Variants in GRAP2 observed in about 807,000 individuals in gnomAD.
GRAP2 encodes GRB2-related adapter protein 2.
GRAP2 carries 31 observed loss-of-function variants against 43.5 expected under a neutral mutation model. The observed-to-expected ratio is 0.71, with a 90% CI of 0.54 to 0.96. GRAP2 has a LOEUF of 0.96. Among genes scored for constraint, GRAP2 ranks in the 40% least tolerant of loss-of-function variants. The probability of loss-of-function intolerance (pLI) is 0.00; values close to 1 mark genes in which losing one functional copy is unlikely to be tolerated. For synonymous variants in GRAP2, 156 were observed against 164.8 expected (o/e 0.95, Z 0.41); for missense variants, 371 against 424.4 (o/e 0.87, Z 1.11).
intron 1 of GRAP2, among the ~76,000 whole-genome samples, chr22:39,915,687 G>T: frequency 6.6e-6 from 1 of 152,070 alleles, no homozygotes; most frequent in African/African-American, 2.4e-5. Context: ...GGTGTCACAG[G>T]GCTGTTACAT....
At chr22:39,966,780 T>A (rs925252210) in intron 5 of GRAP2, among the ~76,000 whole-genome samples, 10 of 152,234 alleles carry the variant, frequency 6.6e-5, no homozygotes, top group African/African-American at 2.4e-4. Context: ...CCTGCTTTAA[T>A]CGCTTAGCTA....
chr22:39,910,659 G>A (rs767910586), intron 1 of GRAP2, among the ~76,000 whole-genome samples: 1 of 151,042 alleles, frequency 6.6e-6, no homozygotes. Context: ...CGCCTGCCTC[G>A]GCCTCGCAAA....
chr22:39,964,836 C>T (rs2067156292), intron 4 of GRAP2: 1 of 324,286 alleles, frequency 3.1e-6, no homozygotes, highest in African/African-American at 2.2e-5. Context: ...CCAGAATCTG[C>T]TCTTTGGTCG....
chr22:39,969,259 G>A, intron 6 of GRAP2, 152 bp from the exon 7 acceptor site: 1 of 828,320 alleles, frequency 1.2e-6, no homozygotes, highest in Non-Finnish European at 2.0e-6. Flanking sequence ...TTAGACCTTA[G>A]GTCCTCCTCA....
upstream of GRAP2, among the ~76,000 whole-genome samples, chr22:39,896,181 T>C (rs2066465809): frequency 6.6e-6 from 1 of 152,210 alleles, no homozygotes; most frequent in Admixed American, 6.5e-5. Context: ...GCAGAGGAAC[T>C]GGAAGAAGAA....
chr22:39,930,561 G>A (rs1211888312), intron 1 of GRAP2, among the ~76,000 whole-genome samples: 1 of 152,180 alleles, frequency 6.6e-6, no homozygotes, highest in Non-Finnish European at 1.5e-5. Context: ...TGTAGTTCAG[G>A]CCCTCATCAT....
chr22:39,945,035 TAGA>T (rs1187262859), intron 1 of GRAP2, among the ~76,000 whole-genome samples: 1 of 152,164 alleles, frequency 6.6e-6, no homozygotes, highest in Non-Finnish European at 1.5e-5. Context: ...AGGCCTTAAT[TAGA>T]AGAAGCCTTG....
chr22:39,961,802 T>A (rs1186095791), intron 4 of GRAP2, among the ~76,000 whole-genome samples: 1 of 152,232 alleles, frequency 6.6e-6, no homozygotes, highest in African/African-American at 2.4e-5. Context: ...TCAATATATT[T>A]TGAAAGGCAT....
intron 1 of GRAP2, among the ~76,000 whole-genome samples, chr22:39,944,164 G>A (rs1403734475): frequency 6.6e-6 from 1 of 152,124 alleles, no homozygotes; most frequent in Non-Finnish European, 1.5e-5. Flanking sequence ...TTTTGTTGTT[G>A]TTTCTCCAAT....
chr22:39,955,184 C>T (rs1169405819), intron 2 of GRAP2, among the ~76,000 whole-genome samples: 1 of 152,074 alleles, frequency 6.6e-6, no homozygotes, highest in African/African-American at 2.4e-5. Context: ...TGGTAAAACC[C>T]CGTCTCTCCT....
chr22:39,924,272 T>C (rs1293720318), intron 1 of GRAP2, among the ~76,000 whole-genome samples: 2 of 152,212 alleles, frequency 1.3e-5, no homozygotes, highest in East Asian at 3.8e-4. Context: ...TACTCCCAAG[T>C]AATCATACCA....
chr22:39,946,168 A>G (rs777689029), intron 1 of GRAP2, among the ~76,000 whole-genome samples: 2 of 152,162 alleles, frequency 1.3e-5, no homozygotes, highest in Non-Finnish European at 2.9e-5. Flanking sequence ...GCCTGCATCT[A>G]TAATTTGATT....
At chr22:39,970,732 G>A (rs2067231725) in intron 7 of GRAP2, among the ~76,000 whole-genome samples, 173 bp from the exon 8 acceptor site, 1 of 152,142 alleles carries the variant, frequency 6.6e-6, no homozygotes, top group South Asian at 2.1e-4. Context: ...ACCAGCCTGA[G>A]CAACATAGCA....
intron 1 of GRAP2, among the ~76,000 whole-genome samples, chr22:39,927,645 C>T (rs903716647): frequency 2.6e-5 from 4 of 152,144 alleles, no homozygotes; most frequent in African/African-American, 9.7e-5. Flanking sequence ...TCCATCCAGG[C>T]CCAATCGATC....
chr22:39,968,161 T>TC lies in GRAP2; in HGVS notation c.583dup (p.Leu195ProfsTer44). ...AGCTGTCGGATCACCCCCCGACCCT[T>TC]CCCCTGCAGCAGCACCAGCACCAGC... On this transcript the variant is annotated frameshift_variant, in exon 6 of 8. Coordinates refer to ENST00000344138, the MANE Select transcript of GRAP2 (RefSeq NM_004810.4). LOFTEE classifies it high-confidence loss of function. The TC allele has an allele frequency of 6.2e-7, 1 of 1,607,282 alleles. No homozygotes were observed. The highest frequency in any genetic ancestry group is 8.5e-7 in the Non-Finnish European group (1 of 1,177,110).
At chr22:39,917,017 G>A (rs892698897) in intron 1 of GRAP2, among the ~76,000 whole-genome samples, 2 of 152,150 alleles carry the variant, frequency 1.3e-5, no homozygotes, top group African/African-American at 2.4e-5. Context: ...AGAATAGAAA[G>A]CAATGGGTGG....
upstream of GRAP2, among the ~76,000 whole-genome samples, chr22:39,897,563 AGGCTG>A (rs2066471004): frequency 8.2e-6 from 1 of 122,190 alleles, no homozygotes; most frequent in South Asian, 2.6e-4. Context: ...CTTATTGCCC[AGGCTG>A]GAGTGCAATG....
chr22:39,946,789 G>T, intron 1 of GRAP2: 1 of 296,548 alleles, frequency 3.4e-6, no homozygotes, highest in South Asian at 4.9e-5. Context: ...TGCAAACAGA[G>T]ATGCCCCCAA....
chr22:39,923,355 T>C (rs2066670605), intron 1 of GRAP2, among the ~76,000 whole-genome samples: 1 of 152,250 alleles, frequency 6.6e-6, no homozygotes, highest in Admixed American at 6.5e-5. Flanking sequence ...TTTAAAATAC[T>C]TCTTAATATA....
Sources: gnomAD v4.1 joint callset for allele counts (sites outside exome capture counted in the v4.1 genomes callset) on GRCh38, gnomAD v4.1.1 for gene constraint, MANE v1.5 for transcripts, NCBI Gene and HGNC (gene_info 2026-07-23, HGNC 2026-07-21) for gene names.